ANKRD30B: variants seen among roughly 807,000 people sequenced by gnomAD.
The protein encoded by ANKRD30B is ankyrin repeat domain-containing protein 30B.
A neutral mutation model predicts 202.2 loss-of-function variants in ANKRD30B; 144 were observed. The ratio of observed to expected loss-of-function variants is 0.71; its 90% CI spans 0.62 to 0.82. The LOEUF (loss-of-function observed/expected upper bound fraction) is 0.82, where lower values mean the gene tolerates loss of function less well. Among genes scored for constraint, ANKRD30B ranks in the 40% least tolerant of loss-of-function variants. The pLI, the probability that ANKRD30B is intolerant of heterozygous loss-of-function variation, is 0.00. For synonymous variants in ANKRD30B, 508 were observed against 561.3 expected, an observed-to-expected ratio of 0.91 and a Z score of 1.34; for missense variants, 1,487 against 1,669.1, an observed-to-expected ratio of 0.89 and a Z score of 1.90.
At chr18:14,779,891 T>G in intron 10 of ANKRD30B, 69 bp from the exon 11 acceptor site, 2 of 926,178 alleles carry the variant, frequency 2.2e-6, no homozygotes, top group South Asian at 1.8e-5. Flanking sequence ...TGAAAATAGA[T>G]TTGTATATGT....
intron 11 of ANKRD30B, among the ~76,000 whole-genome samples, chr18:14,781,547 A>ATT (rs75975204): frequency 2.2e-5 from 3 of 137,500 alleles, no homozygotes; most frequent in Non-Finnish European, 4.9e-5. Flanking sequence ...GCCATGCATC[A>ATT]TTTTTAACAC....
At chr18:14,755,317 T>C (rs1262009330) in intron 4 of ANKRD30B, among the ~76,000 whole-genome samples, 1 of 152,170 alleles carries the variant, frequency 6.6e-6, no homozygotes, top group Non-Finnish European at 1.5e-5. Context: ...TTTTTTAGTT[T>C]GCTTTATAAT....
chr18:14,874,636 T>A, the ANKRD30B span, among the ~76,000 whole-genome samples: 50 of 152,084 alleles, frequency 3.3e-4, no homozygotes, highest in African/African-American at 1.1e-3. Context: ...AGGGAATAGA[T>A]GAAAGTGGTT....
intron 12 of ANKRD30B, 72 bp downstream of exon 12, chr18:14,782,686 CTAAT>C (rs1278165772): frequency 1.1e-5 from 10 of 928,088 alleles, no homozygotes; most frequent in African/African-American, 3.4e-5. Flanking sequence ...CTGAAATACT[CTAAT>C]AGCCAAATAA....
At chr18:14,811,244 T>C (rs1471529195) in intron 28 of ANKRD30B, among the ~76,000 whole-genome samples, 4 of 151,696 alleles carry the variant, frequency 2.6e-5, no homozygotes, top group Middle Eastern at 3.2e-3. Flanking sequence ...GCCCATCTCG[T>C]TGTCTCGCCC....
At chr18:14,825,738 GT>G (rs1970632753) in intron 32 of ANKRD30B, among the ~76,000 whole-genome samples, 1 of 152,108 alleles carries the variant, frequency 6.6e-6, no homozygotes, top group African/African-American at 2.4e-5. Flanking sequence ...AAAGCCATCA[GT>G]TAAGAGGCCA....
chr18:14,816,035 C>G (rs1039998065), intron 30 of ANKRD30B: 2 of 152,150 alleles, frequency 1.3e-5, no homozygotes, highest in African/African-American at 4.8e-5. Flanking sequence ...AACTCTCATC[C>G]AAACTTTTTA....
intron 40 of ANKRD30B, among the ~76,000 whole-genome samples, chr18:14,850,011 G>A (rs1971815887): frequency 6.6e-6 from 1 of 151,408 alleles, no homozygotes; most frequent in South Asian, 2.1e-4. Context: ...ACTAGAAGAA[G>A]TTTTTTCTCA....
chr18:14,799,268 T>A lies in ANKRD30B; in HGVS notation c.2104T>A (p.Leu702Met), dbSNP rs773007834. The A allele has an allele frequency of 6.5e-7, 1 of 1,548,550 alleles. No individual in the cohort carries two copies. Among genetic ancestry groups the A allele is most frequent in the Admixed American group, 2.0e-5 (1 of 50,042 alleles). Residue 702 changes from leucine (L) to methionine (M), a missense_variant, in exon 22 of 44, where the codon TTG becomes ATG. Leu to Met is a conservative substitution (Grantham distance 15). Coordinates refer to ENST00000690538, the MANE Select transcript of ANKRD30B (RefSeq NM_001367607.2). ...KVSLPNKALELKDRETFKAAQ... is the reference protein window; with the variant it reads ...KVSLPNKALEMKDRETFKAAQ... Reference sequence around the variant, plus strand: ...TTCTCTTCCAAATAAAGCTTTAGAATTGAAGGACAGAGAAACATTCAAAGC... The same window carrying A: ...TTCTCTTCCAAATAAAGCTTTAGAAATGAAGGACAGAGAAACATTCAAAGC...
At chr18:14,758,328 A>G (rs951585889) in intron 5 of ANKRD30B, among the ~76,000 whole-genome samples, 6 of 152,134 alleles carry the variant, frequency 3.9e-5, no homozygotes, top group African/African-American at 1.4e-4. Flanking sequence ...GGGTTCCTTA[A>G]GTCCAAGGAA....
intron 14 of ANKRD30B, among the ~76,000 whole-genome samples, chr18:14,784,743 C>T (rs554980767): frequency 1.3e-5 from 2 of 152,142 alleles, no homozygotes; most frequent in Admixed American, 1.3e-4. Flanking sequence ...TAGCCTTAAT[C>T]TCAGGTGTTT....
At chr18:14,773,861 G>C (rs1269785848) in intron 9 of ANKRD30B, among the ~76,000 whole-genome samples, 1 of 151,996 alleles carries the variant, frequency 6.6e-6, no homozygotes, top group Non-Finnish European at 1.5e-5. Flanking sequence ...TCACCATGTT[G>C]GCCAGGATGA....
At chr18:14,898,976 G>A in the ANKRD30B span, among the ~76,000 whole-genome samples, 1 of 152,118 alleles carries the variant, frequency 6.6e-6, no homozygotes. Context: ...GAACTGGACT[G>A]ATATAGATAG....
At chr18:14,854,858 C>G, downstream of ANKRD30B, among the ~76,000 whole-genome samples, 1 of 151,860 alleles carries the variant, frequency 6.6e-6, no homozygotes, top group East Asian at 1.9e-4. Flanking sequence ...CACACACACA[C>G]ACACACACAC....
At chr18:14,856,800 C>A (rs1972121440), downstream of ANKRD30B, among the ~76,000 whole-genome samples, 2 of 96,070 alleles carry the variant, frequency 2.1e-5, no homozygotes, top group African/African-American at 4.0e-5. Context: ...ACAACCCAGA[C>A]AGGGTGGCCG....
At chr18:14,878,056 T>A in the ANKRD30B span, 8 of 152,144 alleles carry the variant, frequency 5.3e-5, no homozygotes, top group African/African-American at 1.9e-4. Context: ...GCAGCAAAAG[T>A]GGAGGTTGCC....
chr18:14,795,690 A>G (rs1598632122), intron 16 of ANKRD30B, among the ~76,000 whole-genome samples: 1 of 152,178 alleles, frequency 6.6e-6, no homozygotes, highest in South Asian at 2.1e-4. Context: ...ATCCTCTGCA[A>G]TGATAAGTAA....
At chr18:14,828,371 ACTAT>A (rs1970752784) in intron 33 of ANKRD30B, 63 bp downstream of exon 33, 1 of 1,142,138 alleles carries the variant, frequency 8.8e-7, no homozygotes, top group East Asian at 2.6e-5. Context: ...AAAAGAAATC[ACTAT>A]CTGCTGAGTA....
the ANKRD30B span, among the ~76,000 whole-genome samples, chr18:14,861,027 A>T: frequency 0.51 from 77,459 of 152,006 alleles, 19,921 homozygotes; most frequent in Non-Finnish European, 0.53. Flanking sequence ...AACCTGCCAG[A>T]CTGAGCTTCA....
Sources: gnomAD v4.1 joint callset for allele counts (sites outside exome capture counted in the v4.1 genomes callset) on GRCh38, gnomAD v4.1.1 for gene constraint, MANE v1.5 for transcripts, NCBI Gene and HGNC (gene_info 2026-07-23, HGNC 2026-07-21) for gene names.